FRMD4A: variants seen among roughly 807,000 people sequenced by gnomAD.
The protein encoded by FRMD4A is FERM domain-containing protein 4A.
FRMD4A carries 29 observed loss-of-function variants against 129.1 expected under a neutral mutation model. That is an observed-to-expected ratio of 0.22 (90% CI 0.17 to 0.31). FRMD4A has a LOEUF of 0.31. Ranked by LOEUF, FRMD4A falls within the 10% of genes least tolerant of loss-of-function variation. The pLI is 1.00. For missense variants in FRMD4A, 1,272 were observed against 1,375.8 expected, an observed-to-expected ratio of 0.92 and a Z score of 1.19; for synonymous variants, 634 against 571.6, an observed-to-expected ratio of 1.11 and a Z score of -1.56.
chr10:14,117,843 C>A (rs1838282406), intron 2 of FRMD4A, among the ~76,000 whole-genome samples: 1 of 151,976 alleles, frequency 6.6e-6, no homozygotes, highest in South Asian at 2.1e-4. Context: ...TGTAGGTCCT[C>A]CAAGAAGAAC....
At chr10:14,261,703 G>C (rs967693433) in intron 2 of FRMD4A, among the ~76,000 whole-genome samples, 2 of 152,156 alleles carry the variant, frequency 1.3e-5, no homozygotes, top group South Asian at 2.1e-4. Context: ...CCTGTGGTTA[G>C]TTATGCAGCT....
At position 13,645,723 on chromosome 10, in the gene FRMD4A, G is replaced by A. The variant is rs915407362; in HGVS notation, c.*1315C>T. ...CACGAGTCAAATCTTTCTACCTAAG[G>A]GCATAGTTGGGTTCTTGGAATAAGT... is the stretch of plus-strand genomic sequence containing the variant. On this transcript the variant is annotated 3_prime_UTR_variant, in exon 25 of 25. Coordinates refer to ENST00000357447, the MANE Select transcript of FRMD4A (RefSeq NM_018027.5). 1 of 152,426 alleles carries A rather than the reference G, an allele frequency of 6.6e-6. No individual in the cohort carries two copies. Among genetic ancestry groups the A allele is most frequent in the Non-Finnish European group, 1.5e-5 (1 of 68,020 alleles). The allele number at this position is 152,426 out of a possible 1,614,324, so 9.4% of individuals were successfully genotyped here. A position where few individuals can be genotyped will look rare whatever the true frequency, so the allele number is the denominator to read the frequency against.
intron 2 of FRMD4A, among the ~76,000 whole-genome samples, chr10:13,885,552 TA>T (rs1252365663): frequency 1.4e-4 from 22 of 152,320 alleles, no homozygotes; most frequent in African/African-American, 5.3e-4. Context: ...ATGATCTAGA[TA>T]CCCCCTTTCA....
intron 2 of FRMD4A, among the ~76,000 whole-genome samples, chr10:14,127,905 G>GCTTTCTGT (rs1838933947): frequency 7.3e-6 from 1 of 136,480 alleles, no homozygotes; most frequent in Admixed American, 7.4e-5. Context: ...TTTATATTTT[G>GCTTTCTGT]CTTTCTTTCT....
chr10:14,088,180 T>TA (rs1225142580), intron 2 of FRMD4A, among the ~76,000 whole-genome samples: 1 of 152,028 alleles, frequency 6.6e-6, no homozygotes, highest in Non-Finnish European at 1.5e-5. Flanking sequence ...AAAAGAGAAT[T>TA]ACAGGCCTGA....
intron 15 of FRMD4A, chr10:13,685,389 A>G (rs2084975473): frequency 1.0e-6 from 1 of 984,916 alleles, no homozygotes; most frequent in Non-Finnish European, 1.2e-6. Context: ...ATAACTGAAC[A>G]TTCATTTTAA....
At chr10:14,098,449 G>C (rs1346099892) in intron 2 of FRMD4A, among the ~76,000 whole-genome samples, 1 of 151,566 alleles carries the variant, frequency 6.6e-6, no homozygotes, top group Non-Finnish European at 1.5e-5. Flanking sequence ...TGTCACCCAG[G>C]CTGGAGTGCA....
intron 3 of FRMD4A, among the ~76,000 whole-genome samples, chr10:13,829,966 C>T (rs1564873244): frequency 1.3e-5 from 2 of 152,210 alleles, no homozygotes; most frequent in Non-Finnish European, 2.9e-5. Context: ...ACCTCTGACC[C>T]CTTCCTGTCG....
intron 2 of FRMD4A, among the ~76,000 whole-genome samples, chr10:14,226,864 C>T (rs913806539): frequency 6.6e-6 from 1 of 152,164 alleles, no homozygotes; most frequent in Non-Finnish European, 1.5e-5. Context: ...CTCCTGCTCC[C>T]CGCTGCCTTC....
chr10:14,118,264 C>T (rs375503256), intron 2 of FRMD4A, among the ~76,000 whole-genome samples: 1 of 152,274 alleles, frequency 6.6e-6, no homozygotes, highest in African/African-American at 2.4e-5. Flanking sequence ...GTTAAAGATG[C>T]CATGCTTGGC....
At chr10:14,198,813 G>T (rs1423784225) in intron 2 of FRMD4A, among the ~76,000 whole-genome samples, 2 of 152,084 alleles carry the variant, frequency 1.3e-5, no homozygotes, top group Non-Finnish European at 2.9e-5. Flanking sequence ...TTCCAACTCC[G>T]CATTTTATGA....
At chr10:13,899,176 A>ATAAAG (rs2094792285) in intron 2 of FRMD4A, among the ~76,000 whole-genome samples, 1 of 152,036 alleles carries the variant, frequency 6.6e-6, no homozygotes, top group East Asian at 1.9e-4. Flanking sequence ...ATAAAATAAA[A>ATAAAG]TAAGCCTGAT....
intron 2 of FRMD4A, among the ~76,000 whole-genome samples, chr10:14,229,859 C>T (rs1181752946): frequency 6.6e-6 from 1 of 152,232 alleles, no homozygotes; most frequent in East Asian, 1.9e-4. Flanking sequence ...GCTGAACACT[C>T]ATACAATCTA....
At chr10:14,003,216 C>T (rs375190195) in intron 2 of FRMD4A, among the ~76,000 whole-genome samples, 3 of 151,966 alleles carry the variant, frequency 2.0e-5, no homozygotes, top group Non-Finnish European at 2.9e-5. Flanking sequence ...CGGGGAGAGA[C>T]GTTTCAGAGC....
intron 2 of FRMD4A, among the ~76,000 whole-genome samples, chr10:14,071,866 A>G (rs1201932730): frequency 6.6e-6 from 1 of 152,136 alleles, no homozygotes; most frequent in African/African-American, 2.4e-5. Context: ...TCCTTGGATG[A>G]AGTAGGAGCC....
intron 2 of FRMD4A, among the ~76,000 whole-genome samples, chr10:14,122,315 A>G (rs1358884084): frequency 6.6e-6 from 1 of 152,242 alleles, no homozygotes; most frequent in Non-Finnish European, 1.5e-5. Context: ...AAAGCCACCA[A>G]GCTCACAAGG....
At chr10:14,237,899 C>T (rs533404748) in intron 2 of FRMD4A, among the ~76,000 whole-genome samples, 75 of 152,326 alleles carry the variant, frequency 4.9e-4, no homozygotes, top group Admixed American at 1.8e-3. Flanking sequence ...CAGCAGGGCA[C>T]GCACAGCCCT....
intron 2 of FRMD4A, among the ~76,000 whole-genome samples, chr10:13,993,927 G>T (rs896734073): frequency 6.6e-6 from 1 of 150,922 alleles, no homozygotes; most frequent in Non-Finnish European, 1.5e-5. Flanking sequence ...TTTAAGATTA[G>T]TTTTTTTTGT....
In FRMD4A at chr10:14,104,237, C is replaced by T. The variant is rs541993256; in HGVS notation, c.45+225821G>A. On this transcript the variant is annotated intron_variant, in intron 2 of 24. Coordinates refer to ENST00000357447, the MANE Select transcript of FRMD4A (RefSeq NM_018027.5). ...TACACTGCCACTGAGGTCTACACTG[C>T]CATCGAGTTTACACTGCCATGGGGG... 1.6e-4 allele frequency among the ~76,000 whole-genome samples: 25 copies of T among 152,060 alleles called. No homozygotes were observed. The South Asian group carries it at 4.8e-3, about 29-fold the overall frequency.
Sources: allele counts gnomAD v4.1 joint callset (sites outside exome capture counted in the v4.1 genomes callset), GRCh38; gene constraint gnomAD v4.1.1; transcripts MANE v1.5; gene names NCBI Gene and HGNC (gene_info 2026-07-23, HGNC 2026-07-21).